The following PPP1R13B variants were observed in gnomAD, a reference collection of about 807,000 sequenced individuals.
The protein encoded by PPP1R13B is apoptosis-stimulating of p53 protein 1.
PPP1R13B carries 44 observed loss-of-function variants against 119.8 expected under a neutral mutation model. The ratio of observed to expected loss-of-function variants is 0.37; its 90% CI spans 0.29 to 0.47. PPP1R13B has a LOEUF of 0.47. Ranked by LOEUF, PPP1R13B falls within the 20% of genes least tolerant of loss-of-function variation. PPP1R13B has a pLI of 0.99. For missense variants in PPP1R13B, 1,227 were observed against 1,413.5 expected (o/e 0.87, Z 2.12); for synonymous variants, 542 against 561.5 (o/e 0.97, Z 0.49).
intron 1 of PPP1R13B, among the ~76,000 whole-genome samples, chr14:103,838,349 C>G (rs148339726): frequency 1.4e-4 from 22 of 152,228 alleles, no homozygotes; most frequent in East Asian, 7.7e-4. Flanking sequence ...CTGGGCTAAA[C>G]GGCAGTGGTA....
intron 1 of PPP1R13B, chr14:103,847,001 C>T: frequency 3.4e-6 from 4 of 1,179,802 alleles, no homozygotes; most frequent in Non-Finnish European, 4.3e-6. Context: ...AGCGTCCGAC[C>T]GCGCACCTGA....
At chr14:103,817,592 T>C (rs1236067523) in intron 1 of PPP1R13B, among the ~76,000 whole-genome samples, 6 of 152,192 alleles carry the variant, frequency 3.9e-5, no homozygotes, top group African/African-American at 7.2e-5. Flanking sequence ...TTTGTTAGTA[T>C]TGACATTTTA....
chr14:103,835,397 T>A (rs541243264), intron 1 of PPP1R13B, among the ~76,000 whole-genome samples: 7 of 151,722 alleles, frequency 4.6e-5, no homozygotes, highest in Non-Finnish European at 8.8e-5. Context: ...AGTGCTGGGA[T>A]TACAGGCATG....
intron 4 of PPP1R13B, among the ~76,000 whole-genome samples, chr14:103,776,528 G>A (rs770814217): frequency 1.3e-5 from 2 of 152,136 alleles, no homozygotes; most frequent in Non-Finnish European, 2.9e-5. Context: ...CCTGTGTGAG[G>A]AAGGAACTTG....
At chr14:103,781,980 G>A (rs1002806951) in intron 3 of PPP1R13B, among the ~76,000 whole-genome samples, 22 of 151,856 alleles carry the variant, frequency 1.4e-4, no homozygotes, top group East Asian at 3.9e-4. Flanking sequence ...CAGTGTATAC[G>A]TGTTCAAAAA....
At chr14:103,820,186 C>T (rs575904599) in intron 1 of PPP1R13B, among the ~76,000 whole-genome samples, 2 of 152,282 alleles carry the variant, frequency 1.3e-5, no homozygotes, top group East Asian at 1.9e-4. Context: ...CATCCTATTA[C>T]GGACAACGCC....
chr14:103,798,993 T>TTTTG (rs71126071), intron 1 of PPP1R13B, among the ~76,000 whole-genome samples: 65,504 of 149,978 alleles, frequency 0.44, 14,658 homozygotes, highest in African/African-American at 0.54. Context: ...CCTGGTGTTT[T>TTTTG]TTTGTTTGTT....
chr14:103,769,856 AG>A (rs1375607257), intron 4 of PPP1R13B, among the ~76,000 whole-genome samples: 2 of 152,214 alleles, frequency 1.3e-5, no homozygotes, highest in African/African-American at 4.8e-5. Flanking sequence ...CCAGTCACAA[AG>A]GTGGCAAAAA....
chr14:103,805,128 T>G (rs528488504), intron 1 of PPP1R13B, among the ~76,000 whole-genome samples: 1 of 152,090 alleles, frequency 6.6e-6, no homozygotes, highest in Non-Finnish European at 1.5e-5. Context: ...TGAGCCACTA[T>G]GCCCGGCCTA....
At chr14:103,829,636 G>T (rs2086624683) in intron 1 of PPP1R13B, among the ~76,000 whole-genome samples, 1 of 152,058 alleles carries the variant, frequency 6.6e-6, no homozygotes, top group South Asian at 2.1e-4. Context: ...ATACACAAGG[G>T]TCTCACTATG....
At chr14:103,818,479 A>C in intron 1 of PPP1R13B, 1 of 979,932 alleles carries the variant, frequency 1.0e-6, no homozygotes, top group African/African-American at 1.7e-5. Flanking sequence ...ATTGTCAGGT[A>C]CCTGTTTTCA....
intron 1 of PPP1R13B, among the ~76,000 whole-genome samples, chr14:103,833,728 C>G (rs2086710028): frequency 1.3e-5 from 2 of 152,142 alleles, no homozygotes; most frequent in African/African-American, 4.8e-5. Context: ...CTTCCAAACC[C>G]CACTCAAATG....
upstream of PPP1R13B, chr14:103,848,233 G>A (rs1055788038): frequency 4.1e-6 from 4 of 984,482 alleles, no homozygotes; most frequent in East Asian, 1.1e-4. Context: ...GCGATCTCCC[G>A]CCTAGAACCC....
intron 4 of PPP1R13B, among the ~76,000 whole-genome samples, chr14:103,762,220 A>G (rs1488491776): frequency 3.9e-5 from 6 of 152,202 alleles, no homozygotes; most frequent in Non-Finnish European, 8.8e-5. Flanking sequence ...TAAACGATGG[A>G]GGTTTAACTA....
intron 1 of PPP1R13B, among the ~76,000 whole-genome samples, chr14:103,832,987 A>AG (rs1367317152): frequency 2.0e-5 from 3 of 151,304 alleles, no homozygotes; most frequent in Non-Finnish European, 4.4e-5. Flanking sequence ...GTCTCCAAAA[A>AG]GAAAAAAAAA....
At chr14:103,737,521 AG>A in intron 15 of PPP1R13B, 172 bp downstream of exon 15, 1 of 808,114 alleles carries the variant, frequency 1.2e-6, no homozygotes, top group African/African-American at 1.8e-5. Flanking sequence ...GGCTGCAGTG[AG>A]CCATGATTGC....
intron 1 of PPP1R13B, among the ~76,000 whole-genome samples, chr14:103,845,938 G>C (rs1273116526): frequency 6.6e-6 from 1 of 152,070 alleles, no homozygotes; most frequent in Non-Finnish European, 1.5e-5. Flanking sequence ...ATCACTTTTG[G>C]ATACATCATC....
chr14:103,738,010 C>T lies in PPP1R13B; in HGVS notation c.2865-150G>A, dbSNP rs1032560880. 1.3e-5 allele frequency: 13 copies of T among 964,760 alleles called. No homozygotes were observed. Among genetic ancestry groups the T allele is most frequent in the African/African-American group, 6.6e-5 (4 of 60,542 alleles). The allele number at this position is 964,760 out of a possible 1,614,324, so 59.8% of individuals were successfully genotyped here. On this transcript the variant is annotated intron_variant, in intron 14 of 16. Coordinates refer to ENST00000202556, the MANE Select transcript of PPP1R13B (RefSeq NM_015316.3). The surrounding 1 kb of genome is among the most constrained non-coding windows in gnomAD (Gnocchi z 5.6). ...GTTGTTTCTTTAAAGGCAGGATTTC[C>T]ATGAGCCAATTGTTTCAGACCATAC...
intron 1 of PPP1R13B, among the ~76,000 whole-genome samples, chr14:103,808,456 G>T (rs2086069910): frequency 6.6e-6 from 1 of 152,076 alleles, no homozygotes; most frequent in Non-Finnish European, 1.5e-5. Context: ...TAGAAAAAAA[G>T]ATCATTAAAA....
Sources: allele counts gnomAD v4.1 joint callset (sites outside exome capture counted in the v4.1 genomes callset), GRCh38; gene constraint gnomAD v4.1.1; non-coding constraint Gnocchi (gnomAD v3.1); transcripts MANE v1.5; gene names NCBI Gene and HGNC (gene_info 2026-07-23, HGNC 2026-07-21).